IGSF21: variants seen among roughly 807,000 people sequenced by gnomAD.
IGSF21 encodes the protein immunoglobulin superfamily member 21.
A neutral mutation model predicts 46.8 loss-of-function variants in IGSF21; 28 were observed. That is an observed-to-expected ratio of 0.60 (90% CI 0.44 to 0.82). The LOEUF is 0.82. Among genes scored for constraint, IGSF21 ranks in the 40% least tolerant of loss-of-function variants. The pLI is 0.00. For missense variants in IGSF21, 624 were observed against 665.5 expected (o/e 0.94, Z 0.69); for synonymous variants, 284 against 273.6 (o/e 1.04, Z -0.38).
intron 2 of IGSF21, among the ~76,000 whole-genome samples, chr1:18,240,865 G>C (rs1427504157): frequency 1.3e-5 from 2 of 152,204 alleles, no homozygotes; most frequent in African/African-American, 4.8e-5. Context: ...TTCAGCTCTG[G>C]AATTCTGTGC....
At chr1:18,230,440 T>C (rs1433548474) in intron 2 of IGSF21, among the ~76,000 whole-genome samples, 1 of 152,140 alleles carries the variant, frequency 6.6e-6, no homozygotes, top group Non-Finnish European at 1.5e-5. Context: ...TTCACATCCT[T>C]TGACTGAGGG....
At chr1:18,181,330 G>A (rs1428312983) in intron 1 of IGSF21, among the ~76,000 whole-genome samples, 1 of 152,236 alleles carries the variant, frequency 6.6e-6, no homozygotes, top group Non-Finnish European at 1.5e-5. Context: ...AATTATGGCT[G>A]CGACATTGAT....
At chr1:18,316,282 C>T (rs1034724901) in intron 3 of IGSF21, among the ~76,000 whole-genome samples, 2 of 152,190 alleles carry the variant, frequency 1.3e-5, no homozygotes, top group African/African-American at 2.4e-5. Context: ...TGAATCTGAC[C>T]ACTGCTGAGG....
chr1:18,231,025 A>G (rs1289416297), intron 2 of IGSF21, among the ~76,000 whole-genome samples: 1 of 152,002 alleles, frequency 6.6e-6, no homozygotes, highest in Non-Finnish European at 1.5e-5. Flanking sequence ...TCCTCCGTGA[A>G]TGAGCTTACA....
chr1:18,192,038 C>T lies in IGSF21; in HGVS notation c.71-35860C>T, dbSNP rs537883597. 2.0e-5 allele frequency among the ~76,000 whole-genome samples: 3 copies of T among 152,296 alleles called. No individual in the cohort carries two copies. In the South Asian group the frequency reaches 6.2e-4, roughly 32 times the overall value. ...GGCTGCCACGCTCTGTCATGCACACCTGTCTCCCCCACCAGGCTTCAGATG... is the reference window on the plus strand; with the variant it reads ...GGCTGCCACGCTCTGTCATGCACACTTGTCTCCCCCACCAGGCTTCAGATG... On this transcript the variant is annotated intron_variant, in intron 1 of 9. Coordinates refer to ENST00000251296, the MANE Select transcript of IGSF21 (RefSeq NM_032880.5).
chr1:18,243,755 C>T (rs570994018), intron 2 of IGSF21, among the ~76,000 whole-genome samples: 12 of 152,304 alleles, frequency 7.9e-5, no homozygotes, highest in African/African-American at 2.2e-4. Flanking sequence ...TCCAGATCCA[C>T]GATGTGCAGG....
chr1:18,110,466 C>T (rs1009118376), intron 1 of IGSF21: 70 of 152,408 alleles, frequency 4.6e-4, no homozygotes, highest in African/African-American at 1.6e-3. Context: ...GGCCACCTGC[C>T]TCCGAGGGCG....
intron 3 of IGSF21, among the ~76,000 whole-genome samples, chr1:18,303,354 C>G (rs1388174114): frequency 6.6e-6 from 1 of 152,146 alleles, no homozygotes; most frequent in Non-Finnish European, 1.5e-5. Context: ...TGCACAAGAG[C>G]TGAGAGCTCC....
intron 2 of IGSF21, among the ~76,000 whole-genome samples, chr1:18,282,467 G>A (rs949730112): frequency 1.1e-4 from 16 of 152,042 alleles, no homozygotes; most frequent in Admixed American, 3.9e-4. Flanking sequence ...ATGGGAGGTG[G>A]AGAAGGAGGT....
intron 1 of IGSF21, among the ~76,000 whole-genome samples, chr1:18,177,620 C>T (rs1458169310): frequency 6.6e-6 from 1 of 151,992 alleles, no homozygotes; most frequent in East Asian, 1.9e-4. Flanking sequence ...ATGTGGTGTG[C>T]ATTTCCTTAA....
At chr1:18,191,685 T>C (rs2086957995) in intron 1 of IGSF21, among the ~76,000 whole-genome samples, 1 of 152,084 alleles carries the variant, frequency 6.6e-6, no homozygotes, top group African/African-American at 2.4e-5. Context: ...TCTGCTGTCA[T>C]TTTGGATGCT....
Position 18,337,491 on chromosome 1 carries a change from G to A in IGSF21, c.424+2481G>A, listed in dbSNP as rs2085781730. 6.6e-6 allele frequency among the ~76,000 whole-genome samples: 1 copy of A among 152,052 alleles called. No individual in the cohort carries two copies. The highest frequency in any genetic ancestry group is 6.5e-5 in the Admixed American group (1 of 15,270). ...TGCCTCCCTCTTGCCCCTGGTTTTG[G>A]CCCCAGCAAAGAGAAGTCCCCCATT... is the stretch of plus-strand genomic sequence containing the variant. On this transcript the variant is annotated intron_variant, in intron 4 of 9. Transcript: ENST00000251296. The surrounding 1 kb of genome is among the most constrained non-coding windows in gnomAD (Gnocchi z 5.7).
Position 18,365,088 on chromosome 1 carries a change from T to C in IGSF21, c.541-135T>C, listed in dbSNP as rs992866956. Reference sequence around the variant, plus strand: ...CTTGGGGGTGTTGAAGGGAAAAGAGTGGGGTGAGGGCTACTGTCTAGACTA... The same window carrying C: ...CTTGGGGGTGTTGAAGGGAAAAGAGCGGGGTGAGGGCTACTGTCTAGACTA... On this transcript the variant is annotated intron_variant, in intron 5 of 9. Coordinates refer to ENST00000251296, the MANE Select transcript of IGSF21 (RefSeq NM_032880.5). The surrounding 1 kb of genome is among the most constrained non-coding windows in gnomAD (Gnocchi z 4.8). 12 of 659,842 alleles carry C rather than the reference T, an allele frequency of 1.8e-5. No homozygotes were observed. Among genetic ancestry groups the C allele is most frequent in the Non-Finnish European group, 2.9e-5 (11 of 380,016 alleles). The allele number at this position is 659,842 out of a possible 1,614,324, so 40.9% of individuals were successfully genotyped here.
At chr1:18,374,916 A>T (rs781472187) in intron 6 of IGSF21, among the ~76,000 whole-genome samples, 2 of 151,010 alleles carry the variant, frequency 1.3e-5, no homozygotes, top group Non-Finnish European at 3.0e-5. Flanking sequence ...CAAAACCCTC[A>T]CCCCTTCCTC....
chr1:18,358,411 C>T (rs553912218), intron 4 of IGSF21, among the ~76,000 whole-genome samples: 18 of 152,284 alleles, frequency 1.2e-4, no homozygotes, highest in South Asian at 6.2e-4. Flanking sequence ...ATATATCTTA[C>T]GCTCTTCTTA....
chr1:18,328,922 A>G (rs1167647085), intron 3 of IGSF21, among the ~76,000 whole-genome samples: 5 of 152,210 alleles, frequency 3.3e-5, no homozygotes, highest in African/African-American at 1.2e-4. Flanking sequence ...GGACTTGCTC[A>G]GCAAACCTCA....
intron 4 of IGSF21, among the ~76,000 whole-genome samples, chr1:18,349,414 TC>T (rs2085927379): frequency 6.6e-6 from 1 of 152,030 alleles, no homozygotes; most frequent in African/African-American, 2.4e-5. Context: ...GAGTCCTTCC[TC>T]CAGAGGAGGG....
At chr1:18,172,010 G>T (rs1184713941) in intron 1 of IGSF21, among the ~76,000 whole-genome samples, 10 of 152,164 alleles carry the variant, frequency 6.6e-5, no homozygotes, top group Admixed American at 6.5e-4. Flanking sequence ...TTGTCCCCTG[G>T]ACAGGATTGT....
intron 1 of IGSF21, among the ~76,000 whole-genome samples, chr1:18,172,928 A>G (rs1408130697): frequency 1.3e-5 from 2 of 151,928 alleles, no homozygotes; most frequent in Non-Finnish European, 1.5e-5. Context: ...GTGTGACTCA[A>G]TCCATAAGTC....
Sources: gnomAD v4.1 joint callset for allele counts (sites outside exome capture counted in the v4.1 genomes callset) on GRCh38, gnomAD v4.1.1 for gene constraint, Gnocchi (gnomAD v3.1) non-coding constraint, MANE v1.5 for transcripts, NCBI Gene and HGNC (gene_info 2026-07-23, HGNC 2026-07-21) for gene names.